Variants in KPNA7 observed in about 807,000 individuals in gnomAD.
KPNA7 encodes the protein karyopherin subunit alpha 7, also known as importin subunit alpha-8.
KPNA7 carries 54 observed loss-of-function variants against 53.7 expected under a neutral mutation model. That is an observed-to-expected ratio of 1.01 (90% CI 0.81 to 1.26). The LOEUF (loss-of-function observed/expected upper bound fraction) is 1.26, where lower values mean the gene tolerates loss of function less well. KPNA7 is among the 50% of genes most tolerant of loss of function. KPNA7 has a pLI of 0.00. For missense variants in KPNA7, 640 were observed against 644.5 expected, an observed-to-expected ratio of 0.99 and a Z score of 0.07; for synonymous variants, 276 against 259.3, an observed-to-expected ratio of 1.06 and a Z score of -0.62.
chr7:99,184,127 A>G (rs28592685), intron 8 of KPNA7, among the ~76,000 whole-genome samples: 15,024 of 148,806 alleles, frequency 0.1, 890 homozygotes, highest in African/African-American at 0.17. Flanking sequence ...GGGATTACGG[A>G]CATAAGCCAC....
intron 1 of KPNA7, among the ~76,000 whole-genome samples, chr7:99,217,844 T>C (rs1187703051): frequency 6.6e-6 from 1 of 152,054 alleles, no homozygotes; most frequent in Non-Finnish European, 1.5e-5. Context: ...TTGGCCAGAC[T>C]GGTCTGGAAC....
intron 9 of KPNA7, among the ~76,000 whole-genome samples, chr7:99,178,777 A>C (rs1449115666): frequency 6.4e-5 from 1 of 15,518 alleles, no homozygotes; most frequent in Non-Finnish European, 1.2e-4. Context: ...GTCTCAAAAA[A>C]AAAAAAAAAA....
intron 9 of KPNA7, among the ~76,000 whole-genome samples, chr7:99,180,744 TGTCTCTCTCTCTCTCCCC>T (rs1799163862): frequency 1.2e-5 from 1 of 80,518 alleles, no homozygotes; most frequent in Non-Finnish European, 2.7e-5. Context: ...TCTCTCCCCG[TGTCTCTCTCTCTCTCCCC>T]GTCTGTGTCT....
At chr7:99,158,811 T>C in the KPNA7 span, among the ~76,000 whole-genome samples, 37 of 152,254 alleles carry the variant, frequency 2.4e-4, no homozygotes, top group Non-Finnish European at 4.0e-4. Context: ...CCAGTTCTAC[T>C]ATCATTTCTA....
chr7:99,181,103 G>C (rs1279275407), intron 9 of KPNA7, among the ~76,000 whole-genome samples: 1 of 11,542 alleles, frequency 8.7e-5, no homozygotes, highest in African/African-American at 2.3e-4. Context: ...CTCCGTCTGT[G>C]TCTCTCTCTC....
At chr7:99,212,681 G>A (rs1400877071), upstream of KPNA7, among the ~76,000 whole-genome samples, 1 of 151,972 alleles carries the variant, frequency 6.6e-6, no homozygotes, top group East Asian at 1.9e-4. Context: ...GCTTGAGGCA[G>A]GAGTTTGAGA....
intron 5 of KPNA7, among the ~76,000 whole-genome samples, chr7:99,194,841 G>A (rs1443671275): frequency 1.3e-5 from 2 of 152,112 alleles, no homozygotes; most frequent in African/African-American, 4.8e-5. Context: ...CTGACCTCAA[G>A]TGATCCGTCC....
intron 10 of KPNA7, among the ~76,000 whole-genome samples, chr7:99,176,980 A>G (rs1315866622): frequency 2.0e-5 from 3 of 152,252 alleles, no homozygotes; most frequent in Admixed American, 2.0e-4. Context: ...AGAAACTCAC[A>G]TGTCGATTGA....
At chr7:99,163,840 A>G in the KPNA7 span, among the ~76,000 whole-genome samples, 1 of 152,166 alleles carries the variant, frequency 6.6e-6, no homozygotes, top group South Asian at 2.1e-4. Flanking sequence ...TCTACTCCTC[A>G]TGGGCATCAC....
At chr7:99,172,610 G>T (rs192288152), downstream of KPNA7, among the ~76,000 whole-genome samples, 1 of 152,018 alleles carries the variant, frequency 6.6e-6, no homozygotes, top group East Asian at 1.9e-4. Flanking sequence ...AAACACACAC[G>T]CACTCTCTTT....
intron 8 of KPNA7, among the ~76,000 whole-genome samples, chr7:99,184,661 A>G (rs1261555409): frequency 6.6e-6 from 1 of 152,158 alleles, no homozygotes; most frequent in Non-Finnish European, 1.5e-5. Flanking sequence ...ATAAGCCAAT[A>G]TTTACTAGCT....
chr7:99,160,026 T>G, the KPNA7 span, among the ~76,000 whole-genome samples: 72 of 115,184 alleles, frequency 6.3e-4, 1 homozygote, highest in African/African-American at 1.8e-3. Context: ...TGTTTTTTTT[T>G]TTTTTTTTTT....
Position 99,195,314 on chromosome 7 carries a change from G to C in KPNA7, c.309C>G (p.Asn103Lys), listed in dbSNP as rs1286950848. 4 of 1,551,500 alleles carry C rather than the reference G, an allele frequency of 2.6e-6. No homozygotes were observed. The highest frequency in any genetic ancestry group is 2.4e-5 in the East Asian group (1 of 40,918). The change falls in exon 5 of 11, where the codon AAC becomes AAG. Residue 103 changes from asparagine (N) to lysine (K), a missense_variant. By Grantham distance (94) the Asn-to-Lys change is moderately conservative (BLOSUM62 0). Transcript: ENST00000327442. ...TARKMLSQEK[N>K]PPLKLVIEAG... is the part of the protein sequence containing the mutation. Reference sequence around the variant, plus strand: ...CTTCAATGACCAGTTTCAGAGGGGGGTTCTTTTCCTGGGATAGCATTTTCC... The same window carrying C: ...CTTCAATGACCAGTTTCAGAGGGGGCTTCTTTTCCTGGGATAGCATTTTCC...
chr7:99,160,266 T>A, the KPNA7 span, among the ~76,000 whole-genome samples: 1 of 152,072 alleles, frequency 6.6e-6, no homozygotes, highest in South Asian at 2.1e-4. Flanking sequence ...GACCTCGTGA[T>A]CCGCCCGCCT....
At chr7:99,150,106 C>T in the KPNA7 span, among the ~76,000 whole-genome samples, 1 of 151,448 alleles carries the variant, frequency 6.6e-6, no homozygotes, top group African/African-American at 2.4e-5. Flanking sequence ...GCCTTTGTTT[C>T]TGTTTTTGAG....
chr7:99,185,240 T>C, intron 7 of KPNA7, 78 bp from the exon 8 acceptor site: 1 of 988,204 alleles, frequency 1.0e-6, no homozygotes, highest in South Asian at 1.4e-5. Context: ...AGTTCTGTTC[T>C]CTCCCAAACA....
chr7:99,146,369 A>G, the KPNA7 span, among the ~76,000 whole-genome samples: 43 of 152,302 alleles, frequency 2.8e-4, no homozygotes, highest in East Asian at 7.7e-3. Context: ...CTTGATGTAC[A>G]ATGGGGTTAC....
chr7:99,161,834 T>C, the KPNA7 span, among the ~76,000 whole-genome samples: 2 of 152,046 alleles, frequency 1.3e-5, no homozygotes, highest in African/African-American at 4.8e-5. Flanking sequence ...CACTTAACAG[T>C]GAAATTACAT....
At chr7:99,191,044 A>C (rs768303276) in intron 6 of KPNA7, among the ~76,000 whole-genome samples, 4 of 151,974 alleles carry the variant, frequency 2.6e-5, no homozygotes, top group Non-Finnish European at 5.9e-5. Context: ...GAAGACAATC[A>C]TCTGAACAAT....
Sources: allele counts gnomAD v4.1 joint callset (sites outside exome capture counted in the v4.1 genomes callset), GRCh38; gene constraint gnomAD v4.1.1; transcripts MANE v1.5; gene names NCBI Gene and HGNC (gene_info 2026-07-23, HGNC 2026-07-21).